Variants in CSNK2A2IP observed in about 807,000 individuals in gnomAD.
CSNK2A2IP encodes casein kinase II subunit alpha'-interacting protein.
chr3:88,346,887 G>C, the CSNK2A2IP span, among the ~76,000 whole-genome samples: 3,674 of 151,894 alleles, frequency 0.024, 94 homozygotes, highest in East Asian at 0.074. Context: ...TGATTCCTCT[G>C]GTGGGTCTAG....
the CSNK2A2IP span, among the ~76,000 whole-genome samples, chr3:88,352,876 A>G: frequency 8.4e-4 from 128 of 152,300 alleles, no homozygotes; most frequent in African/African-American, 3.0e-3. Flanking sequence ...TTTACTCAAT[A>G]TGATATTGAG....
the CSNK2A2IP span, chr3:88,466,918 C>A: frequency 1.6e-6 from 2 of 1,231,034 alleles, no homozygotes; most frequent in Non-Finnish European, 2.0e-6. Flanking sequence ...GAAATTAGTT[C>A]TTATCCTTTC....
chr3:88,409,652 A>C, the CSNK2A2IP span, among the ~76,000 whole-genome samples: 1 of 152,096 alleles, frequency 6.6e-6, no homozygotes, highest in Admixed American at 6.6e-5. Context: ...AAATTATAGC[A>C]CACATGCACA....
the CSNK2A2IP span, among the ~76,000 whole-genome samples, chr3:88,409,867 AAATTATGCTTTACTACAGGAACAGTT>A: frequency 6.6e-6 from 1 of 152,094 alleles, no homozygotes. Flanking sequence ...ATAAAAACTC[AAATTATGCTTTACTACAGGAACAGTT>A]ATGAAAGCAA....
the CSNK2A2IP span, among the ~76,000 whole-genome samples, chr3:88,406,626 G>C: frequency 6.6e-6 from 1 of 152,170 alleles, no homozygotes; most frequent in Admixed American, 6.5e-5. Flanking sequence ...TTTGGCGACT[G>C]TTACATTGGA....
At chr3:88,399,420 G>A in the CSNK2A2IP span, among the ~76,000 whole-genome samples, 10 of 152,104 alleles carry the variant, frequency 6.6e-5, no homozygotes, top group Non-Finnish European at 8.8e-5. Context: ...GTAGCCAAAC[G>A]CCTCACTCAC....
the CSNK2A2IP span, chr3:88,465,440 A>G: frequency 1.6e-6 from 2 of 1,231,592 alleles, no homozygotes; most frequent in East Asian, 3.2e-5. Context: ...ACATTAACAC[A>G]TCAACATACA....
At chr3:88,370,764 C>T in the CSNK2A2IP span, among the ~76,000 whole-genome samples, 194 of 151,772 alleles carry the variant, frequency 1.3e-3, 2 homozygotes, top group African/African-American at 4.3e-3. Context: ...AAAGCTCTAA[C>T]CCCCAATGTG....
the CSNK2A2IP span, among the ~76,000 whole-genome samples, chr3:88,456,068 A>G: frequency 1.3e-5 from 2 of 151,968 alleles, no homozygotes; most frequent in East Asian, 3.9e-4. Flanking sequence ...TATGTGTCTA[A>G]TTTTATGCTG....
the CSNK2A2IP span, among the ~76,000 whole-genome samples, chr3:88,419,927 C>T: frequency 6.6e-6 from 1 of 152,104 alleles, no homozygotes; most frequent in Non-Finnish European, 1.5e-5. Context: ...ATCCAGAAGG[C>T]TCTAAGGGAG....
At chr3:88,385,563 G>T in the CSNK2A2IP span, among the ~76,000 whole-genome samples, 3 of 152,038 alleles carry the variant, frequency 2.0e-5, no homozygotes, top group Non-Finnish European at 4.4e-5. Context: ...ATAGTACCTG[G>T]AAGATAATGT....
chr3:88,369,837 A>G, the CSNK2A2IP span, among the ~76,000 whole-genome samples: 1 of 151,940 alleles, frequency 6.6e-6, no homozygotes, highest in African/African-American at 2.4e-5. Flanking sequence ...TTCTGGCATA[A>G]GAAGAGCAAC....
the CSNK2A2IP span, among the ~76,000 whole-genome samples, chr3:88,449,547 T>G: frequency 9.9e-5 from 15 of 151,562 alleles, no homozygotes; most frequent in Non-Finnish European, 1.8e-4. Flanking sequence ...TTTTTATCAG[T>G]GCTTTGTTTT....
chr3:88,422,672 A>G, the CSNK2A2IP span, among the ~76,000 whole-genome samples: 1 of 152,212 alleles, frequency 6.6e-6, no homozygotes, highest in African/African-American at 2.4e-5. Context: ...AATTTCTCAA[A>G]TAAATAGGTT....
chr3:88,450,498 CT>C, the CSNK2A2IP span, among the ~76,000 whole-genome samples: 4 of 135,482 alleles, frequency 3.0e-5, no homozygotes, highest in Non-Finnish European at 6.5e-5. Flanking sequence ...CGTAGTTGAC[CT>C]TTTTAAAAAA....
chr3:88,426,561 G>A, the CSNK2A2IP span, among the ~76,000 whole-genome samples: 30 of 152,264 alleles, frequency 2.0e-4, no homozygotes, highest in African/African-American at 7.2e-4. Flanking sequence ...CCCACATGTT[G>A]TAGGAGGGAC....
chr3:88,455,111 C>T, the CSNK2A2IP span, among the ~76,000 whole-genome samples: 31 of 151,784 alleles, frequency 2.0e-4, no homozygotes, highest in Non-Finnish European at 3.5e-4. Context: ...TACACACACA[C>T]ATCACATTTT....
At chr3:88,457,414 G>T in the CSNK2A2IP span, among the ~76,000 whole-genome samples, 1 of 151,574 alleles carries the variant, frequency 6.6e-6, no homozygotes, top group Non-Finnish European at 1.5e-5. Context: ...TTAAAAAATC[G>T]ACTGGGTATG....
chr3:88,376,542 AT>A, the CSNK2A2IP span, among the ~76,000 whole-genome samples: 3 of 151,736 alleles, frequency 2.0e-5, no homozygotes, highest in African/African-American at 7.3e-5. Flanking sequence ...ATGTATTCTT[AT>A]TTCATTAGCT....
Sources: allele counts gnomAD v4.1 joint callset (sites outside exome capture counted in the v4.1 genomes callset), GRCh38; gene constraint gnomAD v4.1.1; transcripts MANE v1.5; gene names NCBI Gene and HGNC (gene_info 2026-07-23, HGNC 2026-07-21).